BAIAP3: variants seen among roughly 807,000 people sequenced by gnomAD.
BAIAP3 encodes BAI1 associated protein 3.
BAIAP3 carries 180 observed loss-of-function variants against 149.7 expected under a neutral mutation model. That is an observed-to-expected ratio of 1.20 (90% CI 1.07 to 1.36). The LOEUF (loss-of-function observed/expected upper bound fraction) is 1.36. Among genes scored for constraint, BAIAP3 ranks in the 40% most tolerant of loss-of-function variants. The pLI is 0.00. For synonymous variants in BAIAP3, 845 were observed against 670.7 expected, an observed-to-expected ratio of 1.26 and a Z score of -4.02; for missense variants, 1,767 against 1,563.4, an observed-to-expected ratio of 1.13 and a Z score of -2.20.
rs776197907 is a variant in BAIAP3, at chr16:1,338,871, G to A, written c.132-31G>A. 3 of 1,611,972 alleles carry A rather than the reference G, an allele frequency of 1.9e-6. No homozygotes were observed. The African/African-American group carries it at 4.0e-5, about 22-fold the overall frequency. ...TCCCAGGCAGGGGCCAGCGTGCTGA[G>A]AGCTGTGAGCTGACCCGGCTCTTTC... is the stretch of plus-strand genomic sequence containing the variant. On this transcript the variant is annotated intron_variant, in intron 2 of 33. Transcript: ENST00000426824.
rs763489939 is a variant in BAIAP3, at chr16:1,346,358, T to C, written c.2490T>C (p.Ser830=). The part of the protein sequence containing the change: ...EAHTVTAHLT[S]KMVGDIRKYV... Reference sequence around the variant, plus strand: ...ACACGGTGACAGCGCACCTGACCTCTAAGGTGGGTGGGGCCTGGAGACCAA... The same window carrying C: ...ACACGGTGACAGCGCACCTGACCTCCAAGGTGGGTGGGGCCTGGAGACCAA... Residue 830 remains serine (S), a synonymous_variant, in exon 25 of 34, where the codon TCT becomes TCC. Transcript: ENST00000426824. 2.5e-6 allele frequency: 4 copies of C among 1,609,284 alleles called. No homozygotes were observed. Among genetic ancestry groups the C allele is most frequent in the Non-Finnish European group, 3.4e-6 (4 of 1,177,170 alleles).
Position 1,338,546 on chromosome 16 carries a change from C to G in BAIAP3, c.-4C>G. ...GCTGTGCTCTCTGCTGTAGGTCACCCGCCATGTCGACCTTGCTGGACATTA... is the reference window on the plus strand; with the variant it reads ...GCTGTGCTCTCTGCTGTAGGTCACCGGCCATGTCGACCTTGCTGGACATTA... On this transcript the variant is annotated 5_prime_UTR_variant, in exon 2 of 34. Coordinates refer to ENST00000426824, the MANE Select transcript of BAIAP3 (RefSeq NM_001199097.2). 1 of 1,609,646 alleles carries G rather than the reference C, an allele frequency of 6.2e-7. No homozygotes were observed. Among genetic ancestry groups the G allele is most frequent in the Non-Finnish European group, 8.5e-7 (1 of 1,178,466 alleles).
In BAIAP3 at chr16:1,346,907, C is replaced by T; in HGVS notation, c.2703C>T (p.Asn901=). 1 of 1,610,704 alleles carries T rather than the reference C, an allele frequency of 6.2e-7. No individual in the cohort carries two copies. Among genetic ancestry groups the T allele is most frequent in the Non-Finnish European group, 8.5e-7 (1 of 1,179,408 alleles). ...LQAILQALGA[N]RDVSADFYSR... ...CCATTCTGCAGGCGCTGGGTGCAAA[C>T]CGTGACGTCTCTGCTGATTTCTACA... The change falls in exon 28 of 34, where the codon AAC becomes AAT. Residue 901 remains asparagine (N), a synonymous_variant. Transcript: ENST00000426824.
intron 8 of BAIAP3, 109 bp from the exon 9 acceptor site, chr16:1,341,713 T>G: frequency 7.7e-7 from 1 of 1,299,404 alleles, no homozygotes; most frequent in Admixed American, 2.1e-5. Flanking sequence ...ACAGCCTGTC[T>G]GGAGAGCGGG....
At chr16:1,338,461 C>G (rs920122124) in intron 1 of BAIAP3, 79 bp from the exon 2 acceptor site, 4 of 155,204 alleles carry the variant, frequency 2.6e-5, no homozygotes, top group Non-Finnish European at 5.7e-5. Context: ...CCGCCCCACC[C>G]CCCCACCCCC....
chr16:1,334,452 G>C (rs2033328858), intron 1 of BAIAP3: 5 of 578,342 alleles, frequency 8.6e-6, no homozygotes, highest in Non-Finnish European at 1.5e-5. Context: ...GGGGTGCCGC[G>C]AGGCGGGGCA....
intron 17 of BAIAP3, 41 bp downstream of exon 17, chr16:1,344,358 C>T (rs777626990): frequency 1.9e-6 from 3 of 1,611,738 alleles, no homozygotes; most frequent in East Asian, 2.2e-5. Context: ...GCTAAGCCCT[C>T]CCTTCCCCTT....
chr16:1,348,326 A>G (rs2034534441), intron 33 of BAIAP3, 25 bp downstream of exon 33: 1 of 1,603,570 alleles, frequency 6.2e-7, no homozygotes, highest in South Asian at 1.1e-5. Context: ...GGGTGGAGGC[A>G]GGGGCAGCGG....
At chr16:1,338,389 G>A in intron 1 of BAIAP3, 151 bp from the exon 2 acceptor site, 1 of 1,024,328 alleles carries the variant, frequency 9.8e-7, no homozygotes, top group African/African-American at 1.6e-5. Context: ...CTCACCGCCT[G>A]ACCAGGTGCC....
chr16:1,342,482 G>T, intron 11 of BAIAP3, 45 bp from the exon 12 acceptor site: 2 of 1,506,766 alleles, frequency 1.3e-6, no homozygotes, highest in East Asian at 2.5e-5. Context: ...GTGTGGAAGG[G>T]GAGGGGGAGG....
intron 29 of BAIAP3, 63 bp from the exon 30 acceptor site, chr16:1,347,482 C>G: frequency 6.4e-7 from 1 of 1,573,524 alleles, no homozygotes; most frequent in Non-Finnish European, 8.6e-7. Context: ...GCAGTCAGGT[C>G]TCCAAGTGCC....
In BAIAP3 at chr16:1,342,209, C is replaced by G. The variant is rs751614665; in HGVS notation, c.883C>G (p.Arg295Gly). 8 of 1,608,930 alleles carry G rather than the reference C, an allele frequency of 5.0e-6. No homozygotes were observed. The highest frequency in any genetic ancestry group is 6.8e-6 in the Non-Finnish European group (8 of 1,177,222). Reference protein sequence around the residue: ...RYFKQIVKSARANGTAGPTED... With the variant: ...RYFKQIVKSAGANGTAGPTED... ...CTTCAAACAGATCGTCAAGTCAGCC[C>G]GCGCAAACGGGACAGCAGGACCCAC... Residue 295 changes from arginine (R) to glycine (G), a missense_variant, in exon 11 of 34, where the codon CGC becomes GGC. By Grantham distance (125) the Arg-to-Gly change is moderately radical. Transcript: ENST00000426824.
Position 1,339,453 on chromosome 16 carries a change from G to A in BAIAP3, c.301-43G>A, listed in dbSNP as rs565255025. ...ACAGGAGGTGCTGCTGAGGGCTGGG[G>A]GCCTGGGACGCGGCACTGTGGCCGC... On this transcript the variant is annotated intron_variant, in intron 4 of 33. Transcript: ENST00000426824. 87 of 1,569,606 alleles carry A rather than the reference G, an allele frequency of 5.5e-5. No individual in the cohort carries two copies. In the South Asian group the frequency reaches 6.9e-4, roughly 12 times the overall value.
intron 17 of BAIAP3, 55 bp downstream of exon 17, chr16:1,344,372 T>C (rs2141599492): frequency 1.2e-6 from 2 of 1,610,570 alleles, no homozygotes; most frequent in Non-Finnish European, 8.5e-7. Flanking sequence ...TCCCCTTCCC[T>C]GCCTTCCCGT....
In BAIAP3 at chr16:1,349,346, C is replaced by CAAAG. The variant is rs1321305407; in HGVS notation, c.*866_*869dup. Reference sequence around the variant, plus strand: ...GACAGCTCAGTCCTGCCAGCAGCCGCAAAGAGCCGAGGCTGCCAGGCCCAT... The same window carrying CAAAG: ...GACAGCTCAGTCCTGCCAGCAGCCGCAAAGAAAGAGCCGAGGCTGCCAGGCCCAT... On this transcript the variant is annotated 3_prime_UTR_variant, in exon 34 of 34. Transcript: ENST00000426824. 6.8e-7 allele frequency: 1 copy of CAAAG among 1,469,030 alleles called. No individual in the cohort carries two copies. Among genetic ancestry groups the CAAAG allele is most frequent in the Non-Finnish European group, 9.5e-7 (1 of 1,049,646 alleles). The allele number at this position is 1,469,030 out of a possible 1,614,324, so 91.0% of individuals were successfully genotyped here. A position where few individuals can be genotyped will look rare whatever the true frequency, so the allele number is the denominator to read the frequency against.
Position 1,345,000 on chromosome 16 carries a change from A to T in BAIAP3, c.1841A>T (p.Glu614Val). ...VAEEAWVLTEELSPKMTLEVA... is the reference protein window; with the variant it reads ...VAEEAWVLTEVLSPKMTLEVA... Reference sequence around the variant, plus strand: ...GAGGAGGCGTGGGTGCTGACGGAGGAGCTGAGCCCCAAGATGACCCTGGAG... The same window carrying T: ...GAGGAGGCGTGGGTGCTGACGGAGGTGCTGAGCCCCAAGATGACCCTGGAG... The change falls in exon 21 of 34, where the codon GAG (glutamate) becomes GTG (valine). Residue 614 changes from glutamate to valine, a missense_variant. Coordinates refer to ENST00000426824, the MANE Select transcript of BAIAP3 (RefSeq NM_001199097.2). 6.2e-7 allele frequency: 1 copy of T among 1,612,656 alleles called. No homozygotes were observed. The highest frequency in any genetic ancestry group is 8.5e-7 in the Non-Finnish European group (1 of 1,179,992).
At chr16:1,340,472 GCACA>G (rs2033846190) in intron 5 of BAIAP3, among the ~76,000 whole-genome samples, 1 of 101,616 alleles carries the variant, frequency 9.8e-6, no homozygotes. Context: ...AGATGCACAC[GCACA>G]CAGGCTGCAG....
intron 15 of BAIAP3, 36 bp from the exon 16 acceptor site, chr16:1,343,986 C>T (rs759218829): frequency 1.6e-5 from 25 of 1,609,164 alleles, no homozygotes; most frequent in East Asian, 2.2e-5. Flanking sequence ...AGTGGCCGGT[C>T]GGGGCTGCTG....
Position 1,344,315 on chromosome 16 carries a change from A to T in BAIAP3, c.1600A>T (p.Lys534Ter). ...ELNMDIAAAL[K>*]RGNREWYDRI... ...GAACATGGACATTGCTGCGGCCCTG[A>T]AGGTGTGTTCCAAAGCCCAGTGGAG... The change falls in exon 17 of 34, where the codon AAG becomes TAG. Residue 534 changes from lysine to a stop codon, truncating the protein, a stop_gained and splice_region_variant. Transcript: ENST00000426824. LOFTEE classifies it high-confidence loss of function. 6.2e-7 allele frequency: 1 copy of T among 1,613,728 alleles called. No individual in the cohort carries two copies. Among genetic ancestry groups the T allele is most frequent in the Non-Finnish European group, 8.5e-7 (1 of 1,179,950 alleles).
Sources: allele counts gnomAD v4.1 joint callset (sites outside exome capture counted in the v4.1 genomes callset), GRCh38; gene constraint gnomAD v4.1.1; transcripts MANE v1.5; gene names NCBI Gene and HGNC (gene_info 2026-07-23, HGNC 2026-07-21).